RBFOX1: variants seen among roughly 807,000 people sequenced by gnomAD.
RBFOX1 encodes the protein RNA binding protein fox-1 homolog 1.
A neutral mutation model predicts 57.7 loss-of-function variants in RBFOX1; 8 were observed. The observed-to-expected ratio is 0.14, with a 90% CI of 0.08 to 0.25. The LOEUF is 0.25. RBFOX1 is among the 10% of genes least tolerant of loss of function. The probability of loss-of-function intolerance (pLI) is 1.00; values close to 1 mark genes in which losing one functional copy is unlikely to be tolerated. For missense variants in RBFOX1, 611 were observed against 548.5 expected, an observed-to-expected ratio of 1.11 and a Z score of -1.14; for synonymous variants, 326 against 222.4, an observed-to-expected ratio of 1.47 and a Z score of -4.15.
chr16:7,389,070 G>A (rs917519287), intron 4 of RBFOX1, among the ~76,000 whole-genome samples: 4 of 152,132 alleles, frequency 2.6e-5, no homozygotes, highest in African/African-American at 7.2e-5. Flanking sequence ...AATATGTTCA[G>A]TGCAGCACCA....
chr16:7,688,195 C>G (rs1483458526), intron 14 of RBFOX1, among the ~76,000 whole-genome samples: 1 of 147,564 alleles, frequency 6.8e-6, no homozygotes, highest in African/African-American at 2.5e-5. Context: ...TAGGGATTGC[C>G]TAGTAGGCAT....
At chr16:6,104,121 C>G (rs1161577642) in intron 1 of RBFOX1, among the ~76,000 whole-genome samples, 1 of 146,684 alleles carries the variant, frequency 6.8e-6, no homozygotes, top group East Asian at 1.9e-4. Context: ...TCATAGGTTT[C>G]TCCCAGTTGA....
chr16:5,329,586 A>G (rs1484465997), intron 1 of RBFOX1, among the ~76,000 whole-genome samples: 1 of 152,208 alleles, frequency 6.6e-6, no homozygotes, highest in Non-Finnish European at 1.5e-5. Context: ...AACTTACATA[A>G]TTTATTCAAG....
intron 1 of RBFOX1, among the ~76,000 whole-genome samples, chr16:5,461,307 C>G (rs1475395231): frequency 6.6e-6 from 1 of 152,180 alleles, no homozygotes; most frequent in African/African-American, 2.4e-5. Flanking sequence ...CGATGATCTG[C>G]CCCGCACTCT....
At chr16:5,242,785 C>T (rs1186064499) in intron 1 of RBFOX1, among the ~76,000 whole-genome samples, 2 of 151,998 alleles carry the variant, frequency 1.3e-5, no homozygotes, top group Non-Finnish European at 2.9e-5. Flanking sequence ...ATCACCAGGC[C>T]TGGTGCTCTG....
At chr16:5,980,877 G>C (rs1040036656) in intron 4 of RBFOX1, among the ~76,000 whole-genome samples, 1 of 152,132 alleles carries the variant, frequency 6.6e-6, no homozygotes, top group Non-Finnish European at 1.5e-5. Flanking sequence ...CATTTCACAT[G>C]GTTTTGTTTA....
chr16:6,809,924 C>G (rs2088000972), intron 3 of RBFOX1, among the ~76,000 whole-genome samples: 1 of 151,970 alleles, frequency 6.6e-6, no homozygotes, highest in Non-Finnish European at 1.5e-5. Flanking sequence ...TAAACACCAC[C>G]AAGATGAGCC....
chr16:7,442,765 C>A (rs892962863), intron 4 of RBFOX1, among the ~76,000 whole-genome samples: 1 of 152,174 alleles, frequency 6.6e-6, no homozygotes, highest in African/African-American at 2.4e-5. Flanking sequence ...TAATAGAAAC[C>A]ATGGCCTCAG....
At chr16:7,319,760 T>G (rs1165586582) in intron 4 of RBFOX1, among the ~76,000 whole-genome samples, 2 of 152,154 alleles carry the variant, frequency 1.3e-5, no homozygotes, top group Non-Finnish European at 2.9e-5. Flanking sequence ...GAAGTAGGAT[T>G]TGGGATCGGG....
chr16:7,602,806 A>T (rs1387262526), intron 9 of RBFOX1, among the ~76,000 whole-genome samples: 2 of 152,222 alleles, frequency 1.3e-5, no homozygotes, highest in Non-Finnish European at 2.9e-5. Flanking sequence ...AACACACGGA[A>T]CATTGTCCAG....
intron 2 of RBFOX1, among the ~76,000 whole-genome samples, chr16:6,526,704 C>A (rs2153811293): frequency 6.6e-6 from 1 of 151,566 alleles, no homozygotes; most frequent in South Asian, 2.1e-4. Context: ...GTGGTGGGCA[C>A]CTGTAGTCCC....
intron 10 of RBFOX1, among the ~76,000 whole-genome samples, chr16:7,610,923 C>G (rs1352901652): frequency 2.0e-5 from 3 of 152,146 alleles, no homozygotes; most frequent in Non-Finnish European, 4.4e-5. Flanking sequence ...TAAAAATAGT[C>G]TGAATTTATC....
chr16:6,127,199 T>C (rs1218525352), intron 1 of RBFOX1, among the ~76,000 whole-genome samples: 2 of 151,984 alleles, frequency 1.3e-5, no homozygotes, highest in Non-Finnish European at 2.9e-5. Flanking sequence ...TGAGGAGGAC[T>C]GCCCTAGATG....
At chr16:6,150,804 A>G (rs1597813452) in intron 1 of RBFOX1, among the ~76,000 whole-genome samples, 1 of 152,150 alleles carries the variant, frequency 6.6e-6, no homozygotes, top group Non-Finnish European at 1.5e-5. Context: ...AAGCCTCCAC[A>G]TATTTCTTGA....
intron 4 of RBFOX1, among the ~76,000 whole-genome samples, chr16:7,170,878 G>T (rs1009779220): frequency 2.0e-5 from 3 of 152,126 alleles, no homozygotes; most frequent in African/African-American, 7.2e-5. Context: ...GCAGTTGAGG[G>T]TTTCATCAAA....
In RBFOX1 at chr16:7,217,500, G is replaced by A. The variant is rs2092302245; in HGVS notation, c.27+165402G>A. 1.3e-5 allele frequency among the ~76,000 whole-genome samples: 2 copies of A among 151,730 alleles called. 1 individual carries two copies. The highest frequency in any genetic ancestry group is 4.2e-4 in the South Asian group (2 of 4,810). On this transcript the variant is annotated intron_variant, in intron 4 of 15. Coordinates refer to ENST00000550418, the MANE Select transcript of RBFOX1 (RefSeq NM_018723.4). ...TTGGAAGCTTTGTTCCTGGTGTTCG[G>A]GAGTCTGCTGTCCTCTGACCTCTTG...
intron 3 of RBFOX1, among the ~76,000 whole-genome samples, chr16:5,630,321 G>A (rs9923956): frequency 1.3e-5 from 2 of 152,028 alleles, no homozygotes; most frequent in Admixed American, 1.3e-4. Context: ...GCCAGGCATT[G>A]TGGCACATGT....
chr16:6,162,934 A>T (rs1447767676), intron 1 of RBFOX1, among the ~76,000 whole-genome samples: 1 of 152,086 alleles, frequency 6.6e-6, no homozygotes, highest in Non-Finnish European at 1.5e-5. Context: ...AGGTTTTGCC[A>T]TGTTGGTCAG....
At chr16:6,641,451 G>A (rs2098486813) in intron 2 of RBFOX1, among the ~76,000 whole-genome samples, 1 of 152,062 alleles carries the variant, frequency 6.6e-6, no homozygotes, top group South Asian at 2.1e-4. Context: ...TTTTTGCCCT[G>A]ACGCCGGGCA....
Sources: allele counts gnomAD v4.1 joint callset (sites outside exome capture counted in the v4.1 genomes callset), GRCh38; gene constraint gnomAD v4.1.1; transcripts MANE v1.5; gene names NCBI Gene and HGNC (gene_info 2026-07-23, HGNC 2026-07-21).